The following HPCAL1 variants were observed in gnomAD, a reference collection of about 807,000 sequenced individuals.
HPCAL1 encodes the protein hippocalcin like 1.
In HPCAL1, 8 loss-of-function variants were observed where a neutral mutation model predicts 17.1. The ratio of observed to expected loss-of-function variants is 0.47; its 90% CI spans 0.27 to 0.84. The LOEUF (loss-of-function observed/expected upper bound fraction) is 0.84. HPCAL1 is among the 40% of genes least tolerant of loss of function. HPCAL1 has a pLI of 0.13. For synonymous variants in HPCAL1, 112 were observed against 111.4 expected, an observed-to-expected ratio of 1.01 and a Z score of -0.03; for missense variants, 165 against 271.1, an observed-to-expected ratio of 0.61 and a Z score of 2.75.
intron 1 of HPCAL1, among the ~76,000 whole-genome samples, chr2:10,308,434 A>G (rs1023691766): frequency 1.3e-5 from 2 of 152,136 alleles, no homozygotes; most frequent in Non-Finnish European, 2.9e-5. Context: ...CCCGTCCTCA[A>G]GCCGCCAGTC....
chr2:10,401,224 C>T (rs974076780), intron 2 of HPCAL1, among the ~76,000 whole-genome samples: 3 of 152,182 alleles, frequency 2.0e-5, no homozygotes, highest in Admixed American at 6.5e-5. Context: ...ATCTTTGCTC[C>T]CCTTCCCCAG....
chr2:10,358,669 G>A (rs916670367), intron 1 of HPCAL1, among the ~76,000 whole-genome samples: 2 of 152,156 alleles, frequency 1.3e-5, no homozygotes, highest in East Asian at 1.9e-4. Flanking sequence ...ATGCCGGCAC[G>A]CTGGCAGGCC....
chr2:10,309,445 C>T (rs1285421035), intron 1 of HPCAL1, among the ~76,000 whole-genome samples: 1 of 152,188 alleles, frequency 6.6e-6, no homozygotes, highest in African/African-American at 2.4e-5. Flanking sequence ...ACTTTCTCTT[C>T]CGCCCTTGTT....
At chr2:10,361,999 T>C (rs537265986) in intron 1 of HPCAL1, among the ~76,000 whole-genome samples, 14 of 152,314 alleles carry the variant, frequency 9.2e-5, no homozygotes, top group African/African-American at 3.1e-4. Flanking sequence ...TGAGCTGCCA[T>C]GTGTGGCTGA....
At chr2:10,413,385 C>T (rs1369444791) in intron 2 of HPCAL1, among the ~76,000 whole-genome samples, 1 of 152,262 alleles carries the variant, frequency 6.6e-6, no homozygotes, top group Non-Finnish European at 1.5e-5. Flanking sequence ...AAAGCAGGTT[C>T]TTGTGCATGT....
intron 1 of HPCAL1, among the ~76,000 whole-genome samples, chr2:10,355,645 C>CAG (rs1204653119): frequency 6.6e-6 from 1 of 151,998 alleles, no homozygotes; most frequent in African/African-American, 2.4e-5. Flanking sequence ...CAGGGACACC[C>CAG]AGAGAGCGGC....
chr2:10,407,806 G>A (rs1670064101), intron 2 of HPCAL1, among the ~76,000 whole-genome samples: 1 of 152,168 alleles, frequency 6.6e-6, no homozygotes, highest in Admixed American at 6.5e-5. Context: ...TCTCTGACTG[G>A]GACAAATGAA....
Position 10,426,591 on chromosome 2 carries a change from A to G in HPCAL1, c.485-133A>G, listed in dbSNP as rs560684347. On this transcript the variant is annotated intron_variant, in intron 4 of 4. Transcript: ENST00000307845. ...CCTGTAAAGTGAATGGAGACTAGAC[A>G]CCGTCCAGCTTCAAGAAGGCTCAGG... 96 of 735,736 alleles carry G rather than the reference A, an allele frequency of 1.3e-4. 1 individual carries two copies. The highest frequency in any genetic ancestry group is 7.4e-4 in the South Asian group (46 of 61,756). 45.6% of individuals were successfully genotyped at this position (735,736 alleles called of 1,614,324 possible). A position where few individuals can be genotyped will look rare whatever the true frequency, so the allele number is the denominator to read the frequency against.
intron 1 of HPCAL1, among the ~76,000 whole-genome samples, chr2:10,313,887 C>G (rs1481451752): frequency 6.6e-6 from 1 of 152,144 alleles, no homozygotes; most frequent in African/African-American, 2.4e-5. Context: ...AATCCCAGCA[C>G]TTTGGGAGGC....
intron 3 of HPCAL1, 36 bp from the exon 4 acceptor site, chr2:10,422,947 G>A: frequency 6.7e-7 from 1 of 1,491,302 alleles, no homozygotes; most frequent in Non-Finnish European, 9.3e-7. Flanking sequence ...CAAGCCCCCG[G>A]GCCTCTGAGC....
chr2:10,390,519 T>C (rs1288227196), intron 1 of HPCAL1, among the ~76,000 whole-genome samples: 3 of 152,098 alleles, frequency 2.0e-5, no homozygotes, highest in African/African-American at 7.2e-5. Flanking sequence ...CATTATAATT[T>C]TTTCTCCCTA....
At chr2:10,385,158 T>C (rs1668227716) in intron 1 of HPCAL1, among the ~76,000 whole-genome samples, 1 of 150,690 alleles carries the variant, frequency 6.6e-6, no homozygotes, top group African/African-American at 2.4e-5. Flanking sequence ...CTCCACTGAG[T>C]GCGCATGTGA....
chr2:10,377,565 C>G lies in HPCAL1; in HGVS notation c.-110-19270C>G, dbSNP rs906769665. Among the ~76,000 whole-genome samples the G allele has an allele frequency of 6.6e-6, 1 of 152,116 alleles. No homozygotes were observed. The highest frequency in any genetic ancestry group is 1.5e-5 in the Non-Finnish European group (1 of 68,006). ...TCTTCCACCCTCTGTCGGCAGGGCC[C>G]CTGCCACCTCTGAAGCCCCCTGCCA... On this transcript the variant is annotated intron_variant, in intron 1 of 4. Coordinates refer to ENST00000307845, the MANE Select transcript of HPCAL1 (RefSeq NM_002149.4). The surrounding 1 kb of genome is among the most constrained non-coding windows in gnomAD (Gnocchi z 5.9).
At chr2:10,399,522 ACCG>A (rs1228199865) in intron 2 of HPCAL1, among the ~76,000 whole-genome samples, 10 of 120,992 alleles carry the variant, frequency 8.3e-5, no homozygotes, top group Non-Finnish European at 1.2e-4. Flanking sequence ...CGCCGCCACC[ACCG>A]CCACTGCCAC....
intron 1 of HPCAL1, among the ~76,000 whole-genome samples, chr2:10,396,427 A>G (rs546460775): frequency 6.6e-6 from 1 of 152,328 alleles, no homozygotes; most frequent in Non-Finnish European, 1.5e-5. Context: ...TGCAGAGTGT[A>G]GAGTGCTGGG....
chr2:10,396,647 G>A (rs952782191), intron 1 of HPCAL1, among the ~76,000 whole-genome samples, 188 bp from the exon 2 acceptor site: 3 of 152,222 alleles, frequency 2.0e-5, no homozygotes, highest in Non-Finnish European at 4.4e-5. Flanking sequence ...GGGGTGCAGC[G>A]GCCTTGGGCA....
chr2:10,356,946 ACC>A (rs1247663654), intron 1 of HPCAL1, among the ~76,000 whole-genome samples: 1 of 151,896 alleles, frequency 6.6e-6, no homozygotes, highest in Non-Finnish European at 1.5e-5. Context: ...AGACCCCATT[ACC>A]CCCAAAAATA....
rs1665267838 is a variant in HPCAL1, at chr2:10,344,244, G to A, written c.-111+41067G>A. On this transcript the variant is annotated intron_variant, in intron 1 of 4. Transcript: ENST00000307845. The surrounding 1 kb of genome is among the most constrained non-coding windows in gnomAD (Gnocchi z 4.9). ...TCTTTGATGCTTGCTTTCCCCATAG[G>A]CATCACTTCGACCAGCGTCTGTGTG... 6.6e-6 allele frequency among the ~76,000 whole-genome samples: 1 copy of A among 152,118 alleles called. No individual in the cohort carries two copies. Among genetic ancestry groups the A allele is most frequent in the African/African-American group, 2.4e-5 (1 of 41,418 alleles).
chr2:10,317,313 C>A (rs764793997), intron 1 of HPCAL1, among the ~76,000 whole-genome samples: 1 of 152,158 alleles, frequency 6.6e-6, no homozygotes, highest in Non-Finnish European at 1.5e-5. Context: ...TGCATCAAGA[C>A]CCCCTATCCA....
Sources: gnomAD v4.1 joint callset for allele counts (sites outside exome capture counted in the v4.1 genomes callset) on GRCh38, gnomAD v4.1.1 for gene constraint, Gnocchi (gnomAD v3.1) non-coding constraint, MANE v1.5 for transcripts, NCBI Gene and HGNC (gene_info 2026-07-23, HGNC 2026-07-21) for gene names.